EFNA2: variants seen among roughly 807,000 people sequenced by gnomAD.
EFNA2 encodes ephrin A2, also known as ephrin-A2.
In EFNA2, 18 loss-of-function variants were observed where a neutral mutation model predicts 19.7. That is an observed-to-expected ratio of 0.91 (90% CI 0.63 to 1.35). The LOEUF is 1.35. Ranked by LOEUF, EFNA2 falls within the 40% of genes most tolerant of loss-of-function variation. EFNA2 has a pLI of 0.00. For missense variants in EFNA2, 303 were observed against 296.0 expected, an observed-to-expected ratio of 1.02 and a Z score of -0.17; for synonymous variants, 187 against 137.8, an observed-to-expected ratio of 1.36 and a Z score of -2.50.
chr19:1,284,334 G>A (rs990396214), upstream of EFNA2, among the ~76,000 whole-genome samples: 16 of 152,188 alleles, frequency 1.1e-4, no homozygotes, highest in African/African-American at 2.9e-4. The surrounding 1 kb of genome is among the most constrained non-coding windows in gnomAD (Gnocchi z 5.3). Context: ...AGAGACACCC[G>A]GCCAGCCCTG....
rs991014589 is a variant in EFNA2 at position 1,300,148 on chromosome 19, C to A, written c.*203C>A. On this transcript the variant is annotated 3_prime_UTR_variant, in exon 4 of 4. Transcript: ENST00000215368. Reference sequence around the variant, plus strand: ...CAGGGAGGGGAAACGGCCGAGAGCCCCCCCCCGGAGGCCCGAGGGGCCGGG... The same window carrying A: ...CAGGGAGGGGAAACGGCCGAGAGCCACCCCCCGGAGGCCCGAGGGGCCGGG... 2 of 687,628 alleles carry A rather than the reference C, an allele frequency of 2.9e-6. No homozygotes were observed. The highest frequency in any genetic ancestry group is 4.4e-6 in the Non-Finnish European group (2 of 452,076). 42.6% of individuals were successfully genotyped at this position (687,628 alleles called of 1,614,324 possible). A position where few individuals can be genotyped will look rare whatever the true frequency, so the allele number is the denominator to read the frequency against.
At chr19:1,299,094 C>T (rs530847683) in intron 3 of EFNA2, among the ~76,000 whole-genome samples, 17 of 152,150 alleles carry the variant, frequency 1.1e-4, no homozygotes, top group South Asian at 4.1e-4. Flanking sequence ...AAAATTTAGC[C>T]GGGCCTGGTG....
rs2081505075 is a variant in EFNA2, at chr19:1,294,476, A to T, written c.141-1069A>T. ...CAGGGCTGGGGGCTGAGGTGTCAGGAGTGCAGGCACCCAAGAGGGAGACCA... is the reference window on the plus strand; with the variant it reads ...CAGGGCTGGGGGCTGAGGTGTCAGGTGTGCAGGCACCCAAGAGGGAGACCA... On this transcript the variant is annotated intron_variant, in intron 1 of 3. Coordinates refer to ENST00000215368, the MANE Select transcript of EFNA2 (RefSeq NM_001405.4). The surrounding 1 kb of genome is among the most constrained non-coding windows in gnomAD (Gnocchi z 5.8). Among the ~76,000 whole-genome samples the T allele has an allele frequency of 6.7e-6, 1 of 149,508 alleles. No homozygotes were observed. The highest frequency in any genetic ancestry group is 1.5e-5 in the Non-Finnish European group (1 of 67,304).
chr19:1,290,993 G>T (rs990606988), intron 1 of EFNA2, among the ~76,000 whole-genome samples: 1 of 152,206 alleles, frequency 6.6e-6, no homozygotes, highest in Non-Finnish European at 1.5e-5. Context: ...AGCTCTGTGC[G>T]CCCCTTGTCC....
At chr19:1,299,319 G>A (rs978116165) in intron 3 of EFNA2, among the ~76,000 whole-genome samples, 6 of 152,226 alleles carry the variant, frequency 3.9e-5, no homozygotes, top group Admixed American at 2.6e-4. Flanking sequence ...AGCACTTTGG[G>A]AGGCTGAGGT....
chr19:1,285,328 G>A (rs1369480120), upstream of EFNA2, among the ~76,000 whole-genome samples: 1 of 152,096 alleles, frequency 6.6e-6, no homozygotes, highest in Non-Finnish European at 1.5e-5. This position sits in a 1 kb window ranked among gnomAD's most constrained non-coding sequence, Gnocchi z 4.1. Flanking sequence ...ACTCCACATC[G>A]GTCCACCTAC....
chr19:1,285,017 G>A (rs2081456740), upstream of EFNA2, among the ~76,000 whole-genome samples: 1 of 152,220 alleles, frequency 6.6e-6, no homozygotes, highest in African/African-American at 2.4e-5. This position sits in a 1 kb window ranked among gnomAD's most constrained non-coding sequence, Gnocchi z 4.1. Flanking sequence ...GGAAGCCCAG[G>A]TGGGAAGATC....
chr19:1,299,668 G>A (rs2081531225), intron 3 of EFNA2, among the ~76,000 whole-genome samples, 156 bp from the exon 4 acceptor site: 1 of 152,106 alleles, frequency 6.6e-6, no homozygotes, highest in Non-Finnish European at 1.5e-5. Context: ...TTTGCCCGGA[G>A]AGTGGGCATC....
intron 1 of EFNA2, among the ~76,000 whole-genome samples, chr19:1,293,489 G>T (rs2081500748): frequency 2.0e-5 from 3 of 152,234 alleles, no homozygotes; most frequent in Non-Finnish European, 4.4e-5. Context: ...CCCCTTGCAC[G>T]GAGGGGAAAG....
upstream of EFNA2, among the ~76,000 whole-genome samples, chr19:1,285,807 G>C (rs1201609985): frequency 2.0e-5 from 3 of 148,542 alleles, no homozygotes; most frequent in Non-Finnish European, 3.0e-5. This position sits in a 1 kb window ranked among gnomAD's most constrained non-coding sequence, Gnocchi z 4.1. Context: ...CCCAGTCCCC[G>C]CGCGGCCGGG....
At chr19:1,289,346 T>C (rs899659333) in intron 1 of EFNA2, among the ~76,000 whole-genome samples, 3 of 152,148 alleles carry the variant, frequency 2.0e-5, no homozygotes, top group Admixed American at 2.0e-4. Context: ...AGTGCAGGTG[T>C]GTGTGCGTGT....
chr19:1,290,087 C>T (rs1362463349), intron 1 of EFNA2, among the ~76,000 whole-genome samples: 1 of 151,858 alleles, frequency 6.6e-6, no homozygotes, highest in Non-Finnish European at 1.5e-5. Flanking sequence ...CAGCCTGGAA[C>T]CCCCAGGCCT....
Position 1,295,762 on chromosome 19 carries a change from C to T in EFNA2, c.358C>T (p.Pro120Ser), listed in dbSNP as rs751646855. Residue 120 changes from proline (P) to serine (S), a missense_variant, in exon 2 of 4, where the codon CCC becomes TCC. Coordinates refer to ENST00000215368, the MANE Select transcript of EFNA2 (RefSeq NM_001405.4). The surrounding 1 kb of genome is among the most constrained non-coding windows in gnomAD (Gnocchi z 5.8). ...KRWECNRPAA[P>S]GGPLKFSEKF... ...CTGGGAGTGCAACCGGCCCGCGGCGCCCGGGGGGCCGCTCAAGTTCTCGGA... is the reference window on the plus strand; with the variant it reads ...CTGGGAGTGCAACCGGCCCGCGGCGTCCGGGGGGCCGCTCAAGTTCTCGGA... 1 of 1,605,040 alleles carries T rather than the reference C, an allele frequency of 6.2e-7. No individual in the cohort carries two copies. The highest frequency in any genetic ancestry group is 8.5e-7 in the Non-Finnish European group (1 of 1,176,990).
Position 1,288,541 on chromosome 19 carries a change from C to T in EFNA2, c.140+2233C>T, listed in dbSNP as rs898864674. 5.3e-5 allele frequency among the ~76,000 whole-genome samples: 8 copies of T among 152,006 alleles called. No homozygotes were observed. In the East Asian group the frequency reaches 5.8e-4, roughly 11 times the overall value. ...GAAAGGCACTGGAGACGGGGACAGC[C>T]GCGATGGGGGGCAGACAGCAGCGTG... On this transcript the variant is annotated intron_variant, in intron 1 of 3. Coordinates refer to ENST00000215368, the MANE Select transcript of EFNA2 (RefSeq NM_001405.4).
At chr19:1,291,806 G>A (rs1170283241) in intron 1 of EFNA2, among the ~76,000 whole-genome samples, 1 of 152,192 alleles carries the variant, frequency 6.6e-6, no homozygotes, top group Non-Finnish European at 1.5e-5. Flanking sequence ...GCTCCAGGCC[G>A]CTTGCTGGAA....
chr19:1,298,230 T>C (rs1296793993), intron 2 of EFNA2, among the ~76,000 whole-genome samples: 1 of 152,098 alleles, frequency 6.6e-6, no homozygotes, highest in Non-Finnish European at 1.5e-5. Context: ...ACCTCTTTGC[T>C]GATTGCTTGA....
At position 1,286,987 on chromosome 19, in the gene EFNA2, G is replaced by C. The variant is rs1192401627; in HGVS notation, c.140+679G>C. 6.6e-6 allele frequency among the ~76,000 whole-genome samples: 1 copy of C among 152,154 alleles called. No individual in the cohort carries two copies. Among genetic ancestry groups the C allele is most frequent in the Admixed American group, 6.5e-5 (1 of 15,284 alleles). On this transcript the variant is annotated intron_variant, in intron 1 of 3. Transcript: ENST00000215368. This position sits in a 1 kb window ranked among gnomAD's most constrained non-coding sequence, Gnocchi z 5.6. Reference sequence around the variant, plus strand: ...AACTGAGGTGCAGAGGGGATGAGGAGCTGGCTCAAGGTCATGCAAGGGGGG... The same window carrying C: ...AACTGAGGTGCAGAGGGGATGAGGACCTGGCTCAAGGTCATGCAAGGGGGG...
rs1446797639 is a variant in EFNA2, at chr19:1,296,615, C to G, written c.454+757C>G. Among the ~76,000 whole-genome samples the G allele has an allele frequency of 6.6e-6, 1 of 152,190 alleles. No homozygotes were observed. Among genetic ancestry groups the G allele is most frequent in the African/African-American group, 2.4e-5 (1 of 41,442 alleles). On this transcript the variant is annotated intron_variant, in intron 2 of 3. Transcript: ENST00000215368. This position sits in a 1 kb window ranked among gnomAD's most constrained non-coding sequence, Gnocchi z 4.4. ...CATGAGCTCTGGTCGCTCCACTGCACTCCAGCCTGGGTGGCAGAGCGAGAC... is the reference window on the plus strand; with the variant it reads ...CATGAGCTCTGGTCGCTCCACTGCAGTCCAGCCTGGGTGGCAGAGCGAGAC...
chr19:1,289,048 G>C (rs748214470), intron 1 of EFNA2, among the ~76,000 whole-genome samples: 1 of 152,270 alleles, frequency 6.6e-6, no homozygotes, highest in African/African-American at 2.4e-5. Context: ...ATGTGTGTTT[G>C]CGTGCAGCGG....
Sources: gnomAD v4.1 joint callset for allele counts (sites outside exome capture counted in the v4.1 genomes callset) on GRCh38, gnomAD v4.1.1 for gene constraint, Gnocchi (gnomAD v3.1) non-coding constraint, MANE v1.5 for transcripts, NCBI Gene and HGNC (gene_info 2026-07-23, HGNC 2026-07-21) for gene names.